Variants in VAV2 observed in about 807,000 individuals in gnomAD.
The protein encoded by VAV2 is vav guanine nucleotide exchange factor 2, also known as guanine nucleotide exchange factor VAV2.
In VAV2, 67 loss-of-function variants were observed where a neutral mutation model predicts 132.5. That is an observed-to-expected ratio of 0.51 (90% CI 0.42 to 0.62). VAV2 has a LOEUF of 0.62. Among genes scored for constraint, VAV2 ranks in the 20% least tolerant of loss-of-function variants. The pLI is 0.00. For synonymous variants in VAV2, 492 were observed against 443.5 expected (o/e 1.11, Z -1.37); for missense variants, 938 against 1,153.6 (o/e 0.81, Z 2.71).
chr9:133,791,726 ACTTTAT>A, intron 13 of VAV2, 51 bp downstream of exon 13: 2 of 1,484,198 alleles, frequency 1.3e-6, no homozygotes, highest in Non-Finnish European at 9.4e-7. Context: ...TGTGAACGTG[ACTTTAT>A]AGGTACGTCC....
chr9:133,855,238 T>A (rs1164936317), intron 3 of VAV2, among the ~76,000 whole-genome samples: 1 of 152,228 alleles, frequency 6.6e-6, no homozygotes, highest in East Asian at 1.9e-4. Context: ...TGGCTCACAG[T>A]GTGCAGAGAG....
At chr9:133,843,444 C>T (rs1322742493) in intron 3 of VAV2, among the ~76,000 whole-genome samples, 8 of 152,132 alleles carry the variant, frequency 5.3e-5, no homozygotes, top group East Asian at 1.9e-4. Context: ...TGGCCTCACG[C>T]GATCCTCCCA....
chr9:133,795,971 G>A (rs1232114205), intron 11 of VAV2, among the ~76,000 whole-genome samples: 1 of 152,258 alleles, frequency 6.6e-6, no homozygotes, highest in Non-Finnish European at 1.5e-5. Flanking sequence ...TAAGGGAAGG[G>A]AGTGACCGTG....
At chr9:133,978,884 G>A (rs1040959097) in intron 1 of VAV2, among the ~76,000 whole-genome samples, 24 of 152,232 alleles carry the variant, frequency 1.6e-4, no homozygotes, top group African/African-American at 5.8e-4. Flanking sequence ...TTCAGAACAC[G>A]AAGCTTCAGG....
intron 4 of VAV2, among the ~76,000 whole-genome samples, chr9:133,817,216 T>C (rs1835592796): frequency 6.6e-6 from 1 of 152,236 alleles, no homozygotes; most frequent in African/African-American, 2.4e-5. Flanking sequence ...GGGCCTTTTC[T>C]TTTTCAATGT....
chr9:133,948,185 C>T (rs1013703241), intron 1 of VAV2, among the ~76,000 whole-genome samples: 3 of 152,220 alleles, frequency 2.0e-5, no homozygotes, highest in Non-Finnish European at 4.4e-5. Context: ...GCAGGGAAAG[C>T]ACAGCTCAGC....
chr9:133,970,354 G>A lies in VAV2; in HGVS notation c.204+21721C>T, dbSNP rs188660217. ...GTAAAAAGGCAGTTTCCCAAGCGGA[G>A]GCTGGGGGATGGCACCACGTTCGGT... On this transcript the variant is annotated intron_variant, in intron 1 of 29. Transcript: ENST00000371850. Among the ~76,000 whole-genome samples, 305 of 152,314 alleles carry A rather than the reference G, an allele frequency of 2.0e-3. 2 individuals carry two copies. The highest frequency in any genetic ancestry group is 3.9e-3 in the Non-Finnish European group (262 of 68,018).
rs775589111 is a variant in VAV2, at chr9:133,885,276, T to C, written c.322-23844A>G. Among the ~76,000 whole-genome samples the C allele has an allele frequency of 6.6e-6, 1 of 152,248 alleles. No individual in the cohort carries two copies. Among genetic ancestry groups the C allele is most frequent in the Non-Finnish European group, 1.5e-5 (1 of 68,036 alleles). On this transcript the variant is annotated intron_variant, in intron 2 of 29. Coordinates refer to ENST00000371850, the MANE Select transcript of VAV2 (RefSeq NM_001134398.2). The surrounding 1 kb of genome is among the most constrained non-coding windows in gnomAD (Gnocchi z 5.0). The stretch of plus-strand genomic sequence containing the variant: ...CCCCCGCGGCTGTCTACTTGGTCCA[T>C]GTCCAGCCGCAGTGGAAGCGCCTGC...
At chr9:133,853,673 A>T (rs2131845508) in intron 3 of VAV2, among the ~76,000 whole-genome samples, 1 of 152,202 alleles carries the variant, frequency 6.6e-6, no homozygotes, top group African/African-American at 2.4e-5. Flanking sequence ...CTCTGTCACT[A>T]GCCTTGGCTG....
intron 1 of VAV2, among the ~76,000 whole-genome samples, chr9:133,940,698 T>TGC (rs71969108): frequency 1.3e-4 from 20 of 151,322 alleles, no homozygotes; most frequent in Non-Finnish European, 2.7e-4. Context: ...TGTGTGTGTG[T>TGC]GTGTGTGTGT....
At chr9:133,887,019 C>T (rs550066623) in intron 2 of VAV2, among the ~76,000 whole-genome samples, 10 of 152,290 alleles carry the variant, frequency 6.6e-5, no homozygotes, top group African/African-American at 1.4e-4. Flanking sequence ...CTCCCCACCC[C>T]GGGCCCTCCT....
intron 2 of VAV2, among the ~76,000 whole-genome samples, chr9:133,907,580 A>G (rs116767350): frequency 6.6e-6 from 1 of 152,158 alleles, no homozygotes; most frequent in African/African-American, 2.4e-5. Flanking sequence ...CCCCTGGGAG[A>G]TGTTTTAGGG....
rs766697391 is a variant in VAV2, at chr9:133,802,789, T to G, written c.836+3292A>C. Among the ~76,000 whole-genome samples, 1 of 152,176 alleles carries G rather than the reference T, an allele frequency of 6.6e-6. No homozygotes were observed. Among genetic ancestry groups the G allele is most frequent in the African/African-American group, 2.4e-5 (1 of 41,432 alleles). On this transcript the variant is annotated intron_variant, in intron 9 of 29. Transcript: ENST00000371850. This position sits in a 1 kb window ranked among gnomAD's most constrained non-coding sequence, Gnocchi z 5.8. ...TCCACACAGCCCCAACCTCTCAAGATGCCCAGGGACAGGCCAGCGTGGATT... is the reference window on the plus strand; with the variant it reads ...TCCACACAGCCCCAACCTCTCAAGAGGCCCAGGGACAGGCCAGCGTGGATT...
chr9:133,897,144 T>G (rs1267041026), intron 2 of VAV2, among the ~76,000 whole-genome samples: 3 of 152,088 alleles, frequency 2.0e-5, no homozygotes, highest in Non-Finnish European at 4.4e-5. Flanking sequence ...AACGCAGCAC[T>G]AGGAAGCGAC....
At chr9:133,907,758 A>G (rs190141019) in intron 2 of VAV2, among the ~76,000 whole-genome samples, 175 of 152,360 alleles carry the variant, frequency 1.1e-3, no homozygotes, top group African/African-American at 4.2e-3. Flanking sequence ...TTTTGAAACA[A>G]CCAGGCTGAA....
At chr9:133,913,036 C>A (rs905567649) in intron 2 of VAV2, among the ~76,000 whole-genome samples, 1 of 152,212 alleles carries the variant, frequency 6.6e-6, no homozygotes, top group Non-Finnish European at 1.5e-5. Flanking sequence ...CAGGGCTGTT[C>A]GCAGACCGTG....
chr9:133,780,169 A>C (rs1564338202), intron 20 of VAV2: 4 of 554,858 alleles, frequency 7.2e-6, no homozygotes, highest in Admixed American at 3.6e-5. Flanking sequence ...TCTCTCTCCC[A>C]CTCCTTACCA....
intron 14 of VAV2, 33 bp downstream of exon 14, chr9:133,789,225 C>A (rs776341122): frequency 6.8e-6 from 11 of 1,609,636 alleles, no homozygotes; most frequent in Non-Finnish European, 9.3e-6. Flanking sequence ...CCTGGCGGGA[C>A]GCCACCCAGC....
chr9:133,825,688 G>A (rs932855029), intron 4 of VAV2, among the ~76,000 whole-genome samples: 14 of 152,142 alleles, frequency 9.2e-5, no homozygotes, highest in African/African-American at 3.1e-4. Context: ...CAACGGCGGG[G>A]AGGGTGGGCC....
Sources: gnomAD v4.1 joint callset for allele counts (sites outside exome capture counted in the v4.1 genomes callset) on GRCh38, gnomAD v4.1.1 for gene constraint, Gnocchi (gnomAD v3.1) non-coding constraint, MANE v1.5 for transcripts, NCBI Gene and HGNC (gene_info 2026-07-23, HGNC 2026-07-21) for gene names.